The following CPQ variants were observed in gnomAD, a reference collection of about 807,000 sequenced individuals.
The protein encoded by CPQ is Ser-Met dipeptidase.
CPQ carries 37 observed loss-of-function variants against 45.7 expected under a neutral mutation model. The observed-to-expected ratio is 0.81, with a 90% CI of 0.62 to 1.07. CPQ has a LOEUF of 1.07. Ranked by LOEUF, CPQ falls within the 50% of genes least tolerant of loss-of-function variation. The pLI, the probability that CPQ is intolerant of heterozygous loss-of-function variation, is 0.00. For missense variants in CPQ, 537 were observed against 572.9 expected, an observed-to-expected ratio of 0.94 and a Z score of 0.64; for synonymous variants, 186 against 205.8, an observed-to-expected ratio of 0.90 and a Z score of 0.82.
At chr8:96,928,905 T>C (rs769378451) in intron 4 of CPQ, among the ~76,000 whole-genome samples, 2 of 152,212 alleles carry the variant, frequency 1.3e-5, no homozygotes, top group Non-Finnish European at 2.9e-5. Context: ...CTGAAAGCTT[T>C]CTGCTGAGTC....
At chr8:96,998,693 A>G (rs1809217374) in intron 5 of CPQ, among the ~76,000 whole-genome samples, 1 of 151,936 alleles carries the variant, frequency 6.6e-6, no homozygotes, top group Admixed American at 6.6e-5. Flanking sequence ...GAATGGGGAG[A>G]TATGAAATAT....
chr8:96,794,213 C>T (rs1381213082), intron 2 of CPQ, among the ~76,000 whole-genome samples: 3 of 152,204 alleles, frequency 2.0e-5, no homozygotes, highest in Non-Finnish European at 4.4e-5. Context: ...TCTACCTGGA[C>T]ATCCAGATGT....
intron 5 of CPQ, among the ~76,000 whole-genome samples, chr8:97,011,975 A>T (rs570832323): frequency 6.0e-4 from 91 of 152,312 alleles, no homozygotes; most frequent in African/African-American, 1.6e-3. Context: ...TAATAATTTT[A>T]AAAAAATCAG....
At chr8:97,057,848 A>G (rs1237806780) in intron 6 of CPQ, among the ~76,000 whole-genome samples, 4 of 152,146 alleles carry the variant, frequency 2.6e-5, no homozygotes, top group Non-Finnish European at 4.4e-5. Context: ...CCAACAAATT[A>G]GGGAGGGGTA....
chr8:96,793,739 G>A (rs1220751809), intron 2 of CPQ, among the ~76,000 whole-genome samples: 1 of 152,132 alleles, frequency 6.6e-6, no homozygotes, highest in African/African-American at 2.4e-5. Flanking sequence ...AAAATCAAAA[G>A]CAAGCTAGTT....
intron 7 of CPQ, among the ~76,000 whole-genome samples, chr8:97,077,121 G>A (rs1586529463): frequency 6.6e-6 from 1 of 152,112 alleles, no homozygotes; most frequent in African/African-American, 2.4e-5. Flanking sequence ...TGGCAACCAC[G>A]GTGGCACACC....
intron 4 of CPQ, among the ~76,000 whole-genome samples, chr8:96,938,122 G>A (rs534731528): frequency 2.0e-5 from 3 of 152,120 alleles, no homozygotes; most frequent in South Asian, 4.1e-4. Context: ...TTTCACCAGC[G>A]TTAACAACTG....
intron 1 of CPQ, among the ~76,000 whole-genome samples, chr8:96,742,334 C>A (rs1010620601): frequency 6.6e-6 from 1 of 152,118 alleles, no homozygotes; most frequent in South Asian, 2.1e-4. Flanking sequence ...CTTGGTAGAT[C>A]TTTCTCCATC....
At chr8:96,785,726 C>T (rs1235566402) in intron 2 of CPQ, among the ~76,000 whole-genome samples, 1 of 152,146 alleles carries the variant, frequency 6.6e-6, no homozygotes, top group Non-Finnish European at 1.5e-5. Flanking sequence ...GAGAATAGAA[C>T]TTTGCACTCT....
At chr8:96,700,508 CT>C (rs1809443318) in intron 1 of CPQ, among the ~76,000 whole-genome samples, 1 of 152,090 alleles carries the variant, frequency 6.6e-6, no homozygotes, top group Non-Finnish European at 1.5e-5. Flanking sequence ...TGAGGGCATT[CT>C]CAGTCATGTA....
intron 1 of CPQ, among the ~76,000 whole-genome samples, chr8:96,755,045 GT>G (rs1198268318): frequency 2.2e-4 from 33 of 151,702 alleles, no homozygotes; most frequent in African/African-American, 5.8e-4. Flanking sequence ...CTTTTTTATA[GT>G]TTTTTTCTTT....
chr8:96,809,742 A>T (rs1811135756), intron 2 of CPQ, among the ~76,000 whole-genome samples: 1 of 152,158 alleles, frequency 6.6e-6, no homozygotes, highest in South Asian at 2.1e-4. Context: ...ATTATACATA[A>T]ATTATACTTC....
At chr8:97,064,563 G>T (rs1247822214) in intron 6 of CPQ, among the ~76,000 whole-genome samples, 1 of 152,130 alleles carries the variant, frequency 6.6e-6, no homozygotes, top group Non-Finnish European at 1.5e-5. Flanking sequence ...ACAGAGTTCT[G>T]CATCGTTAAC....
chr8:96,896,846 T>C (rs1359526683), intron 4 of CPQ, among the ~76,000 whole-genome samples: 3 of 152,214 alleles, frequency 2.0e-5, no homozygotes, highest in African/African-American at 4.8e-5. Context: ...AGAAAAGTTA[T>C]GCCTTCTGCA....
chr8:96,771,086 A>G (rs1327087129), intron 1 of CPQ, among the ~76,000 whole-genome samples: 1 of 146,120 alleles, frequency 6.8e-6, no homozygotes, highest in Non-Finnish European at 1.5e-5. Flanking sequence ...AGCAATATAT[A>G]TATATTATAT....
chr8:96,884,142 T>C (rs1812268674), intron 4 of CPQ, among the ~76,000 whole-genome samples: 1 of 152,230 alleles, frequency 6.6e-6, no homozygotes, highest in Non-Finnish European at 1.5e-5. Flanking sequence ...GTTTCTTGTT[T>C]CTATTAAATG....
At chr8:97,022,034 G>T (rs1489086824) in intron 5 of CPQ, among the ~76,000 whole-genome samples, 1 of 152,074 alleles carries the variant, frequency 6.6e-6, no homozygotes, top group Non-Finnish European at 1.5e-5. Context: ...ATGAAATTAG[G>T]CACATAGACC....
intron 2 of CPQ, among the ~76,000 whole-genome samples, chr8:96,800,036 A>C (rs552799912): frequency 1.3e-5 from 2 of 152,318 alleles, no homozygotes; most frequent in African/African-American, 4.8e-5. Flanking sequence ...AGAACTTAGA[A>C]TTTCTGTTCC....
intron 1 of CPQ, among the ~76,000 whole-genome samples, chr8:96,764,769 TAAG>T (rs1311991208): frequency 6.6e-6 from 1 of 152,198 alleles, no homozygotes; most frequent in Non-Finnish European, 1.5e-5. Context: ...GACAGGGGAC[TAAG>T]AAGAGACTCT....
Sources: allele counts gnomAD v4.1 joint callset (sites outside exome capture counted in the v4.1 genomes callset), GRCh38; gene constraint gnomAD v4.1.1; transcripts MANE v1.5; gene names NCBI Gene and HGNC (gene_info 2026-07-23, HGNC 2026-07-21).